Variants in SND1 observed in about 807,000 individuals in gnomAD.
SND1 encodes the protein staphylococcal nuclease and tudor domain containing 1.
In SND1, 38 loss-of-function variants were observed where a neutral mutation model predicts 121.7. The observed-to-expected ratio is 0.31, with a 90% CI of 0.24 to 0.41. SND1 has a LOEUF of 0.41. Among genes scored for constraint, SND1 ranks in the 10% least tolerant of loss-of-function variants. SND1 has a pLI of 1.00. For missense variants in SND1, 868 were observed against 1,184.6 expected, an observed-to-expected ratio of 0.73 and a Z score of 3.92; for synonymous variants, 401 against 447.4, an observed-to-expected ratio of 0.90 and a Z score of 1.31.
chr7:127,952,558 A>T (rs1801485008), intron 15 of SND1, among the ~76,000 whole-genome samples: 1 of 152,012 alleles, frequency 6.6e-6, no homozygotes, highest in African/African-American at 2.4e-5. Flanking sequence ...CCCATGGCCT[A>T]GCAGCCCCTG....
At chr7:127,933,221 G>A (rs965497840) in intron 15 of SND1, among the ~76,000 whole-genome samples, 15 of 152,258 alleles carry the variant, frequency 9.9e-5, no homozygotes, top group African/African-American at 1.7e-4. Flanking sequence ...CTAGTTTTAC[G>A]TTGCTTAGAC....
intron 1 of SND1, among the ~76,000 whole-genome samples, chr7:127,670,848 A>G (rs2116262237): frequency 6.6e-6 from 1 of 152,026 alleles, no homozygotes; most frequent in African/African-American, 2.4e-5. Flanking sequence ...AAAAAAAAAA[A>G]CCATGAGATA....
intron 1 of SND1, among the ~76,000 whole-genome samples, chr7:127,669,813 A>G (rs1015368580): frequency 3.3e-5 from 5 of 152,188 alleles, no homozygotes; most frequent in South Asian, 4.1e-4. Context: ...AGAGAAGATC[A>G]AAGGTGTGGG....
Position 127,938,433 on chromosome 7 carries a change from A to G in SND1, c.1669+9104A>G, listed in dbSNP as rs3808079. On this transcript the variant is annotated intron_variant, in intron 15 of 23. Transcript: ENST00000354725. ...CAAATAATGTAAACAAGGAAATATG[A>G]AAGAGCAGTTATCAAAAGCATAGGC... Among the ~76,000 whole-genome samples, 762 of 152,344 alleles carry G rather than the reference A, an allele frequency of 5.0e-3. 24 individuals carry two copies. Among genetic ancestry groups the G allele is most frequent in the East Asian group, 0.046 (237 of 5,186 alleles).
At chr7:127,653,204 A>G (rs905943586) in intron 1 of SND1, among the ~76,000 whole-genome samples, 10 of 152,032 alleles carry the variant, frequency 6.6e-5, no homozygotes, top group Non-Finnish European at 8.8e-5. Flanking sequence ...TATACCCTCA[A>G]CTTTTTGAAA....
chr7:128,080,772 T>A (rs79273031), intron 17 of SND1, among the ~76,000 whole-genome samples: 1 of 152,168 alleles, frequency 6.6e-6, no homozygotes. Context: ...AGATTGTAAT[T>A]TGGTAGGCCT....
chr7:127,727,904 G>T (rs1163750026), intron 10 of SND1, among the ~76,000 whole-genome samples: 1 of 152,090 alleles, frequency 6.6e-6, no homozygotes, highest in Non-Finnish European at 1.5e-5. Flanking sequence ...GGATATATAT[G>T]TCCTGATTTT....
intron 12 of SND1, among the ~76,000 whole-genome samples, chr7:127,887,043 A>C (rs1423063618): frequency 6.6e-6 from 1 of 151,696 alleles, no homozygotes; most frequent in Admixed American, 6.6e-5. Context: ...TCATTCTTTT[A>C]CCCATGCTGC....
Position 127,936,810 on chromosome 7 carries a change from G to T in SND1, c.1669+7481G>T, listed in dbSNP as rs115827064. 5.8e-3 allele frequency among the ~76,000 whole-genome samples: 883 copies of T among 152,316 alleles called. 7 individuals are homozygous for T. The highest frequency in any genetic ancestry group is 0.02 in the African/African-American group (835 of 41,570). ...AGTCCTCTTGCCTTAGTCTCCCAAA[G>T]TGCTAGGATTATAAGCATGAACCAT... On this transcript the variant is annotated intron_variant, in intron 15 of 23. Coordinates refer to ENST00000354725, the MANE Select transcript of SND1 (RefSeq NM_014390.4).
chr7:127,658,778 A>G (rs1795255677), intron 1 of SND1, among the ~76,000 whole-genome samples: 1 of 152,250 alleles, frequency 6.6e-6, no homozygotes, highest in Non-Finnish European at 1.5e-5. Context: ...GGTGAAGTCT[A>G]TGCCCCAGTT....
At chr7:127,825,479 T>C (rs1006723689) in intron 11 of SND1, among the ~76,000 whole-genome samples, 12 of 151,304 alleles carry the variant, frequency 7.9e-5, no homozygotes, top group Admixed American at 2.0e-4. Context: ...ATGATCTTGG[T>C]TCACTACAAC....
intron 16 of SND1, among the ~76,000 whole-genome samples, chr7:128,065,071 A>T (rs2117038676): frequency 6.6e-6 from 1 of 152,344 alleles, no homozygotes; most frequent in African/African-American, 2.4e-5. Flanking sequence ...TATGAGTCAA[A>T]GCAAGACTTG....
At chr7:128,001,948 A>T (rs142600501) in intron 16 of SND1, among the ~76,000 whole-genome samples, 146 of 152,366 alleles carry the variant, frequency 9.6e-4, no homozygotes, top group African/African-American at 3.4e-3. Context: ...AAAAAAAAAT[A>T]AAAGAAATTC....
Position 128,033,957 on chromosome 7 carries a change from T to C in SND1, c.1780-40545T>C, listed in dbSNP as rs575371276. Among the ~76,000 whole-genome samples, 6 of 152,352 alleles carry C rather than the reference T, an allele frequency of 3.9e-5. 1 individual carries two copies. Among genetic ancestry groups the C allele is most frequent in the South Asian group, 4.1e-4 (2 of 4,826 alleles). On this transcript the variant is annotated intron_variant, in intron 16 of 23. Coordinates refer to ENST00000354725, the MANE Select transcript of SND1 (RefSeq NM_014390.4). ...TACTATCCACCATACCAAGAACTTA[T>C]ATCTGTTCTTGTTTAATCTTCATTT...
At position 128,015,182 on chromosome 7, in the gene SND1, C is replaced by G. The variant is rs1367563387; in HGVS notation, c.1779+24126C>G. 6.6e-6 allele frequency among the ~76,000 whole-genome samples: 1 copy of G among 152,246 alleles called. No homozygotes were observed. The highest frequency in any genetic ancestry group is 1.5e-5 in the Non-Finnish European group (1 of 68,048). ...ACCCAGGGATGTCTGCCACTCCCAT[C>G]CCCTCTCCTGCCCTGCTTTCCCAAG... On this transcript the variant is annotated intron_variant, in intron 16 of 23. Coordinates refer to ENST00000354725, the MANE Select transcript of SND1 (RefSeq NM_014390.4). This position sits in a 1 kb window ranked among gnomAD's most constrained non-coding sequence, Gnocchi z 4.5.
At position 128,074,628 on chromosome 7, in the gene SND1, C is replaced by T; in HGVS notation, c.1906C>T (p.Arg636Cys). The change falls in exon 17 of 24, where the codon CGC becomes TGC. Residue 636 changes from arginine (R) to cysteine (C), a missense_variant. By Grantham distance (180) the Arg-to-Cys change is radical. Around this residue, in one of 2 missense-constraint regions of SND1, gnomAD observed 743 missense variants for 1,071.3 expected, o/e 0.69. Transcript: ENST00000354725. Reference protein sequence around the residue: ...ALSKVHFTAERSSYYKSLLSA... With the variant: ...ALSKVHFTAECSSYYKSLLSA... The stretch of plus-strand genomic sequence containing the variant: ...CTCCAAGGTCCACTTCACCGCCGAA[C>T]GCAGCTCCTACTACAAGTCCCTGCT... 3.7e-6 allele frequency: 6 copies of T among 1,613,932 alleles called. No homozygotes were observed. Among genetic ancestry groups the T allele is most frequent in the East Asian group, 2.2e-5 (1 of 44,884 alleles).
At chr7:127,798,693 G>A (rs1563017374) in intron 10 of SND1, among the ~76,000 whole-genome samples, 1 of 152,014 alleles carries the variant, frequency 6.6e-6, no homozygotes, top group Non-Finnish European at 1.5e-5. Context: ...AAGTCATGGG[G>A]CCAAGTGCCT....
At chr7:128,049,851 T>TG (rs1426927126) in intron 16 of SND1, among the ~76,000 whole-genome samples, 2 of 152,152 alleles carry the variant, frequency 1.3e-5, no homozygotes, top group Non-Finnish European at 2.9e-5. Flanking sequence ...AGTGGATCTC[T>TG]GGGGCAGTGT....
At chr7:127,789,383 C>A (rs1391418224) in intron 10 of SND1, among the ~76,000 whole-genome samples, 1 of 152,198 alleles carries the variant, frequency 6.6e-6, no homozygotes, top group African/African-American at 2.4e-5. Context: ...ATTACACATG[C>A]ATAAATGCGA....
Sources: allele counts gnomAD v4.1 joint callset (sites outside exome capture counted in the v4.1 genomes callset), GRCh38; gene constraint gnomAD v4.1.1; regional missense constraint gnomAD v4.1.1; non-coding constraint Gnocchi (gnomAD v3.1); transcripts MANE v1.5; gene names NCBI Gene and HGNC (gene_info 2026-07-23, HGNC 2026-07-21).